The following PRKDC variants were observed in gnomAD, a reference collection of about 807,000 sequenced individuals.
PRKDC encodes the protein DNA-dependent protein kinase catalytic subunit.
Under a neutral mutation model 486.9 loss-of-function variants are expected in PRKDC, and 82 were observed. The ratio of observed to expected loss-of-function variants is 0.17; its 90% CI spans 0.14 to 0.20. PRKDC has a LOEUF of 0.20. PRKDC is among the 10% of genes least tolerant of loss of function. The pLI, the probability that PRKDC is intolerant of heterozygous loss-of-function variation, is 1.00. For missense variants in PRKDC, 4,504 were observed against 5,038.2 expected, an observed-to-expected ratio of 0.89 and a Z score of 3.21; for synonymous variants, 1,895 against 1,837.0, an observed-to-expected ratio of 1.03 and a Z score of -0.81.
chr8:47,781,024 G>A (rs1175562675), intron 80 of PRKDC, among the ~76,000 whole-genome samples: 1 of 152,156 alleles, frequency 6.6e-6, no homozygotes, highest in East Asian at 1.9e-4. Flanking sequence ...CTGTAAAAAG[G>A]CAGTTGGAAA....
intron 28 of PRKDC, among the ~76,000 whole-genome samples, chr8:47,899,787 A>G (rs1465356898): frequency 6.6e-6 from 1 of 152,252 alleles, no homozygotes; most frequent in Non-Finnish European, 1.5e-5. Context: ...CGGGGAGTTA[A>G]GAAGTCTTCT....
rs2089317237 is a variant in PRKDC at position 47,885,906 on chromosome 8, AC to A, written c.4776+37del. ...GACTCTGTCTCAAACAAACAAACAA[AC>A]AAAAAAAACAGTTTATTTAAAGGGA... On this transcript the variant is annotated intron_variant, in intron 36 of 85. Coordinates refer to ENST00000314191, the MANE Select transcript of PRKDC (RefSeq NM_006904.7). The A allele has an allele frequency of 2.5e-6, 4 of 1,586,274 alleles. No homozygotes were observed. The African/African-American group carries it at 4.0e-5, about 16-fold the overall frequency.
intron 27 of PRKDC, 36 bp downstream of exon 27, chr8:47,902,533 C>T: frequency 7.1e-7 from 1 of 1,407,456 alleles, no homozygotes; most frequent in South Asian, 1.9e-5. Context: ...CTTTCAAAAC[C>T]ACAAGTTTCT....
chr8:47,937,490 T>C (rs1017861627), intron 11 of PRKDC, among the ~76,000 whole-genome samples: 3 of 152,168 alleles, frequency 2.0e-5, no homozygotes, highest in Non-Finnish European at 4.4e-5. Flanking sequence ...AGATGCTCCA[T>C]GTCACACACC....
intron 22 of PRKDC, among the ~76,000 whole-genome samples, chr8:47,917,157 AGGC>A (rs900042476): frequency 6.6e-6 from 1 of 152,136 alleles, no homozygotes; most frequent in Non-Finnish European, 1.5e-5. Flanking sequence ...CGGGTGGCTG[AGGC>A]GGGAGGATCA....
Position 47,881,925 on chromosome 8 carries a change from G to A in PRKDC, c.4949C>T (p.Ala1650Val). Reference protein sequence around the residue: ...ETKMAVLALLAKILQIDSSVS... With the variant: ...ETKMAVLALLVKILQIDSSVS... ...GGAATTGAATACCTGTAAAATTTTT[G>A]CCAGTAAGGCCAGCACTGCCATTTT... is the stretch of plus-strand genomic sequence containing the variant. The change falls in exon 37 of 86, where the codon GCA becomes GTA. Residue 1650 changes from alanine (A) to valine (V), a missense_variant. Ala to Val is a moderately conservative substitution (Grantham distance 64). Coordinates refer to ENST00000314191, the MANE Select transcript of PRKDC (RefSeq NM_006904.7). The A allele has an allele frequency of 1.9e-6, 3 of 1,603,690 alleles. No homozygotes were observed. Among genetic ancestry groups the A allele is most frequent in the Non-Finnish European group, 2.6e-6 (3 of 1,174,336 alleles).
At chr8:47,910,398 T>C (rs749831915) in intron 25 of PRKDC, among the ~76,000 whole-genome samples, 1 of 152,190 alleles carries the variant, frequency 6.6e-6, no homozygotes, top group Non-Finnish European at 1.5e-5. Context: ...TGTTAGTCAT[T>C]TGACCTAATA....
At chr8:47,872,501 T>TAA (rs748681244) in intron 40 of PRKDC, among the ~76,000 whole-genome samples, 343 of 74,108 alleles carry the variant, frequency 4.6e-3, no homozygotes, top group African/African-American at 6.2e-3. Context: ...TATAAAAAAG[T>TAA]AAAAAAAAAA....
chr8:47,777,844 G>A lies in PRKDC; in HGVS notation c.11884C>T (p.Arg3962Trp). The change falls in exon 84 of 86, where the codon CGG (arginine) becomes TGG (tryptophan). Residue 3962 changes from arginine (R) to tryptophan (W), a missense_variant. Transcript: ENST00000314191. ...AGATTGATAAACTGGCGAGTTAGCC[G>A]AAAAGGCATCAACTCAGGGACTGGC... ...FLPVPELMPF[R>W]LTRQFINLML... The A allele has an allele frequency of 6.2e-7, 1 of 1,613,948 alleles. No homozygotes were observed. The highest frequency in any genetic ancestry group is 8.5e-7 in the Non-Finnish European group (1 of 1,179,866).
intron 26 of PRKDC, among the ~76,000 whole-genome samples, chr8:47,903,934 G>T (rs113909409): frequency 1.3e-5 from 2 of 152,050 alleles, no homozygotes; most frequent in East Asian, 3.9e-4. Flanking sequence ...CCACCCTAAC[G>T]AATGTTCAGT....
rs1589700191 is a variant in PRKDC, at chr8:47,794,304, C to T, written c.10656G>A (p.Lys3552=). The change falls in exon 74 of 86, where the codon AAG becomes AAA. Residue 3552 remains lysine (K), a synonymous_variant. Coordinates refer to ENST00000314191, the MANE Select transcript of PRKDC (RefSeq NM_006904.7). Reference sequence around the variant, plus strand: ...ATATTACCTACCTTGCCACAAACTCCTTATTCTTATGACCAGTAGAAGTAT... The same window carrying T: ...ATATTACCTACCTTGCCACAAACTCTTTATTCTTATGACCAGTAGAAGTAT... ...FKDTSTGHKN[K]EFVARIKSKL... 6.2e-7 allele frequency: 1 copy of T among 1,611,690 alleles called. No individual in the cohort carries two copies. Among genetic ancestry groups the T allele is most frequent in the African/African-American group, 1.3e-5 (1 of 74,906 alleles).
chr8:47,955,990 AT>A (rs756321146), intron 3 of PRKDC, 42 bp from the exon 4 acceptor site: 17 of 1,401,428 alleles, frequency 1.2e-5, no homozygotes, highest in Non-Finnish European at 1.7e-5. Flanking sequence ...TCAATAAGAT[AT>A]AAAAACTAAG....
At position 47,855,202 on chromosome 8, in the gene PRKDC, G is replaced by A; in HGVS notation, c.6761+20C>T. ...TTAACCTAAATTTCTAAACAATACTGCAAAAACCAGTAAACATACCTATAA... is the reference window on the plus strand; with the variant it reads ...TTAACCTAAATTTCTAAACAATACTACAAAAACCAGTAAACATACCTATAA... On this transcript the variant is annotated intron_variant, in intron 50 of 85. Coordinates refer to ENST00000314191, the MANE Select transcript of PRKDC (RefSeq NM_006904.7). 1 of 1,561,538 alleles carries A rather than the reference G, an allele frequency of 6.4e-7. No individual in the cohort carries two copies. The highest frequency in any genetic ancestry group is 1.2e-5 in the South Asian group (1 of 82,162).
chr8:47,774,217 T>C lies in PRKDC; in HGVS notation c.12343A>G (p.Asn4115Asp), dbSNP rs529354763. ...CCTTCCCAGGTTCTGCCAAGGATGT[T>C]GGGGTCTGTTGCCTGGTCCATCAGG... ...KCLMDQATDP[N>D]ILGRTWEGWE... The change falls in exon 86 of 86, where the codon AAC becomes GAC. Residue 4115 changes from asparagine to aspartate, a missense_variant. By Grantham distance (23) the Asn-to-Asp change is conservative (BLOSUM62 1). This residue lies in a region of PRKDC where 706 missense variants were observed against 945.0 expected (regional missense o/e 0.75). Coordinates refer to ENST00000314191, the MANE Select transcript of PRKDC (RefSeq NM_006904.7). 1.3e-5 allele frequency: 21 copies of C among 1,596,502 alleles called. No individual in the cohort carries two copies. The South Asian group carries it at 1.9e-4, about 15-fold the overall frequency.
At chr8:47,795,315 G>T (rs545010116) in intron 73 of PRKDC, among the ~76,000 whole-genome samples, 1 of 146,760 alleles carries the variant, frequency 6.8e-6, no homozygotes, top group Non-Finnish European at 1.5e-5. Flanking sequence ...TCAGCCTCCC[G>T]AGTAGCTGGG....
rs2086652604 is a variant in PRKDC, at chr8:47,778,890, A to G, written c.11580-91T>C. On this transcript the variant is annotated intron_variant, in intron 81 of 85. Transcript: ENST00000314191. ...AACTTTTTGTTTATATTGAGACTCA[A>G]ATATCGAATAATCTTGATGATCTCT... is the stretch of plus-strand genomic sequence containing the variant. 7.5e-6 allele frequency: 11 copies of G among 1,459,664 alleles called. No homozygotes were observed. The Middle Eastern group carries it at 5.8e-4, about 76-fold the overall frequency. The allele number at this position is 1,459,664 out of a possible 1,614,324, so 90.4% of individuals were successfully genotyped here.
intron 48 of PRKDC, among the ~76,000 whole-genome samples, chr8:47,857,566 C>T (rs530458065): frequency 1.3e-5 from 2 of 152,068 alleles, no homozygotes; most frequent in African/African-American, 4.8e-5. Flanking sequence ...TGTGACACAC[C>T]ACATAGTGCT....
Position 47,869,644 on chromosome 8 carries a change from G to GT in PRKDC, c.5364-4882dup, listed in dbSNP as rs1347650002. ...CCATTTCTGCTTGAGAGAAGGAGAAGTAAGAGTAAAGGAGACTTGCATAAT... is the reference window on the plus strand; with the variant it reads ...CCATTTCTGCTTGAGAGAAGGAGAAGTTAAGAGTAAAGGAGACTTGCATAAT... On this transcript the variant is annotated intron_variant, in intron 40 of 85. Transcript: ENST00000314191. Among the ~76,000 whole-genome samples, 6 of 152,048 alleles carry GT rather than the reference G, an allele frequency of 3.9e-5. No individual in the cohort carries two copies. The South Asian group carries it at 6.2e-4, about 16-fold the overall frequency.
intron 25 of PRKDC, among the ~76,000 whole-genome samples, chr8:47,911,160 C>G (rs1183622217): frequency 2.0e-5 from 3 of 152,198 alleles, no homozygotes; most frequent in Non-Finnish European, 4.4e-5. Context: ...GGCCCGCTGA[C>G]AAGTGTCTTT....
Sources: allele counts gnomAD v4.1 joint callset (sites outside exome capture counted in the v4.1 genomes callset), GRCh38; gene constraint gnomAD v4.1.1; regional missense constraint gnomAD v4.1.1; transcripts MANE v1.5; gene names NCBI Gene and HGNC (gene_info 2026-07-23, HGNC 2026-07-21).